CYTH3: variants seen among roughly 807,000 people sequenced by gnomAD.
CYTH3 encodes the protein cytohesin-3.
A neutral mutation model predicts 55.1 loss-of-function variants in CYTH3; 23 were observed. The ratio of observed to expected loss-of-function variants is 0.42; its 90% confidence interval spans 0.30 to 0.59. The LOEUF (loss-of-function observed/expected upper bound fraction) is 0.59, where lower values mean the gene tolerates loss of function less well. Among genes scored for constraint, CYTH3 ranks in the 20% least tolerant of loss-of-function variants. The pLI is 0.20. For missense variants in CYTH3, 413 were observed against 524.8 expected, an observed-to-expected ratio of 0.79 and a Z score of 2.08; for synonymous variants, 249 against 194.9, an observed-to-expected ratio of 1.28 and a Z score of -2.31.
In CYTH3 at chr7:6,171,283, C is replaced by G; in HGVS notation, c.481G>C (p.Glu161Gln). 6.2e-7 allele frequency: 1 copy of G among 1,614,160 alleles called. No individual in the cohort carries two copies. Among genetic ancestry groups the G allele is most frequent in the Non-Finnish European group, 8.5e-7 (1 of 1,180,000 alleles). The change falls in exon 7 of 13, where the codon GAG (glutamate) becomes CAG (glutamine). Residue 161 changes from glutamate (E) to glutamine (Q), a missense_variant. By Grantham distance (29) the Glu-to-Gln change is conservative. Transcript: ENST00000350796. This position sits in a 1 kb window ranked among gnomAD's most constrained non-coding sequence, Gnocchi z 6.7. ...QFLWSFRLPG[E>Q]AQKIDRMMEA... ...ATCATGCGATCAATCTTCTGCGCCTCCCCGGGCAGCCTGAAGCTCCATAAG... is the reference window on the plus strand; with the variant it reads ...ATCATGCGATCAATCTTCTGCGCCTGCCCGGGCAGCCTGAAGCTCCATAAG...
At chr7:6,189,678 A>G (rs1012469201) in intron 2 of CYTH3, among the ~76,000 whole-genome samples, 3 of 152,012 alleles carry the variant, frequency 2.0e-5, no homozygotes, top group South Asian at 2.1e-4. Flanking sequence ...ACATGCCCAC[A>G]TATTCACTCA....
At chr7:6,211,843 A>G (rs1784325686) in intron 1 of CYTH3, among the ~76,000 whole-genome samples, 1 of 151,984 alleles carries the variant, frequency 6.6e-6, no homozygotes, top group South Asian at 2.1e-4. Flanking sequence ...AAAATTAGTC[A>G]GGTGTGGTGG....
Position 6,164,632 on chromosome 7 carries a change from G to A in CYTH3, c.*312C>T, listed in dbSNP as rs950107315. ...TGGCTTCTCCCCCTAGGGGCGCCGGGATGGTCGCAGGAAGGAAATGCTTCT... is the reference window on the plus strand; with the variant it reads ...TGGCTTCTCCCCCTAGGGGCGCCGGAATGGTCGCAGGAAGGAAATGCTTCT... On this transcript the variant is annotated 3_prime_UTR_variant, in exon 13 of 13. Transcript: ENST00000350796. The A allele has an allele frequency of 4.9e-6, 2 of 410,362 alleles. No homozygotes were observed. Among genetic ancestry groups the A allele is most frequent in the South Asian group, 5.8e-5 (2 of 34,702 alleles). The allele number at this position is 410,362 out of a possible 1,614,324, so 25.4% of individuals were successfully genotyped here. A position where few individuals can be genotyped will look rare whatever the true frequency, so the allele number is the denominator to read the frequency against.
chr7:6,232,004 G>C (rs762842131), intron 1 of CYTH3, among the ~76,000 whole-genome samples: 13 of 152,168 alleles, frequency 8.5e-5, no homozygotes, highest in Non-Finnish European at 1.5e-4. Context: ...GTTTGCATCT[G>C]AGTTTTAAAC....
At chr7:6,265,958 C>T (rs907535346) in intron 1 of CYTH3, among the ~76,000 whole-genome samples, 12 of 147,442 alleles carry the variant, frequency 8.1e-5, no homozygotes, top group Admixed American at 4.9e-4. Flanking sequence ...CTAAAAAATG[C>T]AACAGAACAT....
At chr7:6,186,983 G>A in intron 4 of CYTH3, 67 bp downstream of exon 4, 1 of 1,522,066 alleles carries the variant, frequency 6.6e-7, no homozygotes, top group Non-Finnish European at 9.1e-7. Context: ...CTGTCCAAAA[G>A]GGAAACGGCA....
chr7:6,238,560 T>C (rs908671710), intron 1 of CYTH3, among the ~76,000 whole-genome samples: 1 of 152,112 alleles, frequency 6.6e-6, no homozygotes, highest in African/African-American at 2.4e-5. Flanking sequence ...AAAGTAAATG[T>C]AAAAAGAAAG....
At chr7:6,247,572 C>T (rs546701991) in intron 1 of CYTH3, among the ~76,000 whole-genome samples, 6 of 152,286 alleles carry the variant, frequency 3.9e-5, no homozygotes, top group Admixed American at 1.3e-4. Flanking sequence ...CTTCATGAAT[C>T]GTAAGGGAGT....
intron 1 of CYTH3, among the ~76,000 whole-genome samples, chr7:6,198,013 G>C (rs1344104596): frequency 1.3e-5 from 2 of 150,854 alleles, no homozygotes; most frequent in Non-Finnish European, 2.9e-5. Flanking sequence ...GGGATCGCTT[G>C]AGCCCTTGAG....
chr7:6,207,023 T>C (rs1784205016), intron 1 of CYTH3, among the ~76,000 whole-genome samples: 1 of 148,524 alleles, frequency 6.7e-6, no homozygotes, highest in Non-Finnish European at 1.5e-5. Flanking sequence ...ACACCAATAC[T>C]ACAAACTTTA....
chr7:6,187,309 T>C (rs1037092621), intron 3 of CYTH3, among the ~76,000 whole-genome samples, 193 bp from the exon 4 acceptor site: 2 of 152,206 alleles, frequency 1.3e-5, no homozygotes, highest in East Asian at 1.9e-4. Flanking sequence ...ATTTGATAAC[T>C]TGAGACACTT....
intron 1 of CYTH3, among the ~76,000 whole-genome samples, chr7:6,195,331 TCAAA>T (rs1395911738): frequency 1.3e-5 from 2 of 152,210 alleles, no homozygotes; most frequent in Non-Finnish European, 2.9e-5. Flanking sequence ...AACTTTTGTC[TCAAA>T]CAGAAAAAAA....
intron 4 of CYTH3, among the ~76,000 whole-genome samples, chr7:6,179,749 C>T (rs1783444865): frequency 1.9e-5 from 1 of 52,858 alleles, no homozygotes; most frequent in Non-Finnish European, 2.9e-5. Context: ...CACACACACC[C>T]CACACCCCCA....
intron 1 of CYTH3, among the ~76,000 whole-genome samples, chr7:6,225,141 A>G (rs1244645088): frequency 6.6e-6 from 1 of 152,182 alleles, no homozygotes; most frequent in African/African-American, 2.4e-5. Flanking sequence ...CAAATTATAA[A>G]CAAATTATTA....
chr7:6,199,245 A>G (rs183064633), intron 1 of CYTH3, among the ~76,000 whole-genome samples: 95 of 152,336 alleles, frequency 6.2e-4, no homozygotes, highest in African/African-American at 2.2e-3. Context: ...GTTGAGGTCT[A>G]TATTTTAGGT....
At chr7:6,205,361 T>G (rs958643570) in intron 1 of CYTH3, among the ~76,000 whole-genome samples, 1 of 151,952 alleles carries the variant, frequency 6.6e-6, no homozygotes, top group African/African-American at 2.4e-5. Context: ...TCACCTGAGG[T>G]CAGGAGTTTG....
rs558460901 is a variant in CYTH3, at chr7:6,255,579, G to C, written c.34+16895C>G. ...GAGGACCAGAAAGGCCCCCACCACAGCACTGCAGTAGTCCTGGGGGTCCAG... is the reference window on the plus strand; with the variant it reads ...GAGGACCAGAAAGGCCCCCACCACACCACTGCAGTAGTCCTGGGGGTCCAG... On this transcript the variant is annotated intron_variant, in intron 1 of 12. Coordinates refer to ENST00000350796, the MANE Select transcript of CYTH3 (RefSeq NM_004227.4). Among the ~76,000 whole-genome samples the C allele has an allele frequency of 8.2e-4, 125 of 152,194 alleles. No homozygotes were observed. The Middle Eastern group carries it at 0.01, about 13-fold the overall frequency.
At chr7:6,185,979 T>A (rs1037660834) in intron 4 of CYTH3, among the ~76,000 whole-genome samples, 7 of 151,738 alleles carry the variant, frequency 4.6e-5, no homozygotes, top group African/African-American at 1.7e-4. Context: ...GCACGGTGGC[T>A]CACGCACATA....
At chr7:6,270,814 C>G (rs1780630410) in intron 1 of CYTH3, among the ~76,000 whole-genome samples, 1 of 152,166 alleles carries the variant, frequency 6.6e-6, no homozygotes, top group African/African-American at 2.4e-5. Context: ...TCATATCATC[C>G]TTTGTTATAG....
Sources: gnomAD v4.1 joint callset for allele counts (sites outside exome capture counted in the v4.1 genomes callset) on GRCh38, gnomAD v4.1.1 for gene constraint, Gnocchi (gnomAD v3.1) non-coding constraint, MANE v1.5 for transcripts, NCBI Gene and HGNC (gene_info 2026-07-23, HGNC 2026-07-21) for gene names.